IL21R: variants seen among roughly 807,000 people sequenced by gnomAD.
IL21R encodes the protein interleukin 21 receptor.
Under a neutral mutation model 41.3 loss-of-function variants are expected in IL21R, and 14 were observed. The ratio of observed to expected loss-of-function variants is 0.34; its 90% CI spans 0.22 to 0.53. IL21R has a LOEUF of 0.53. Ranked by LOEUF, IL21R falls within the 20% of genes least tolerant of loss-of-function variation. The pLI, the probability that IL21R is intolerant of heterozygous loss-of-function variation, is 0.94. For missense variants in IL21R, 588 were observed against 681.6 expected (o/e 0.86, Z 1.53); for synonymous variants, 286 against 287.6 (o/e 0.99, Z 0.05).
intron 1 of IL21R, among the ~76,000 whole-genome samples, chr16:27,428,758 G>A (rs1026629876): frequency 6.6e-6 from 1 of 152,232 alleles, no homozygotes; most frequent in Admixed American, 6.5e-5. Flanking sequence ...CAAATTAGGA[G>A]GTCAGGTTGT....
intron 3 of IL21R, among the ~76,000 whole-genome samples, chr16:27,434,995 G>A (rs953731767): frequency 6.6e-6 from 1 of 152,132 alleles, no homozygotes; most frequent in South Asian, 2.1e-4. Flanking sequence ...AGGTGCAGTG[G>A]CTCATGTTTC....
chr16:27,444,540 A>G lies in IL21R; in HGVS notation c.508-2A>G. The G allele has an allele frequency of 6.7e-7, 1 of 1,488,798 alleles. No individual in the cohort carries two copies. The highest frequency in any genetic ancestry group is 9.0e-7 in the Non-Finnish European group (1 of 1,115,700). The allele number at this position is 1,488,798 out of a possible 1,614,324, so 92.2% of individuals were successfully genotyped here. A position where few individuals can be genotyped will look rare whatever the true frequency, so the allele number is the denominator to read the frequency against. On this transcript the variant is annotated splice_acceptor_variant, in intron 5 of 8. Coordinates refer to ENST00000337929, the MANE Select transcript of IL21R (RefSeq NM_181078.3). LOFTEE classifies it high-confidence loss of function. Reference sequence around the variant, plus strand: ...TGGTGCATCCTTTCCTTGTACTGGCAGAGTCCGAGGAGAAAGCTGATCTCA... The same window carrying G: ...TGGTGCATCCTTTCCTTGTACTGGCGGAGTCCGAGGAGAAAGCTGATCTCA...
chr16:27,410,426 T>C (rs2086807618), intron 1 of IL21R, among the ~76,000 whole-genome samples: 1 of 152,226 alleles, frequency 6.6e-6, no homozygotes, highest in African/African-American at 2.4e-5. Flanking sequence ...ATTTTAAAAT[T>C]TCTTGACTGT....
chr16:27,404,510 T>A (rs1596561499), intron 1 of IL21R, among the ~76,000 whole-genome samples: 1 of 152,130 alleles, frequency 6.6e-6, no homozygotes, highest in Non-Finnish European at 1.5e-5. Flanking sequence ...CCCACCTCTT[T>A]GTAGCATCAG....
rs768921476 is a variant in IL21R, at chr16:27,430,119, A to T, written c.48A>T (p.Gly16=). Residue 16 remains glycine (G), a splice_region_variant and synonymous_variant, in exon 2 of 9, where the codon GGA becomes GGT. Transcript: ENST00000337929. ...AAPLLLLLLQ[G]GWGCPDLVCY... ...CCTTGCTCCTGCTGCTGCTCCAGGG[A>T]GGTAAGTGGCTGCCCCGTGGTCTGC... 5.6e-6 allele frequency: 9 copies of T among 1,603,478 alleles called. No homozygotes were observed. Among genetic ancestry groups the T allele is most frequent in the Admixed American group, 1.7e-5 (1 of 59,936 alleles).
intron 4 of IL21R, among the ~76,000 whole-genome samples, chr16:27,441,255 G>A (rs2087384023): frequency 6.6e-6 from 1 of 152,176 alleles, no homozygotes; most frequent in Admixed American, 6.5e-5. Flanking sequence ...TCATCCCTTT[G>A]AACTTGAAGC....
intron 1 of IL21R, among the ~76,000 whole-genome samples, chr16:27,409,937 C>G (rs972090211): frequency 2.8e-4 from 43 of 152,128 alleles, no homozygotes; most frequent in African/African-American, 1.0e-3. Context: ...GGACTAGCAT[C>G]CTTAAAGTAT....
intron 1 of IL21R, among the ~76,000 whole-genome samples, chr16:27,419,821 TA>T (rs2086970876): frequency 1.1e-4 from 1 of 8,890 alleles, no homozygotes; most frequent in Non-Finnish European, 2.3e-4. Context: ...CATAGTTTAT[TA>T]TTATTATTAT....
Position 27,449,016 on chromosome 16 carries a change from G to C in IL21R, c.1350G>C (p.Lys450Asn). Reference protein sequence around the residue: ...GPLGSLLDRLKPPLADGEDWA... With the variant: ...GPLGSLLDRLNPPLADGEDWA... ...TGGGAAGCCTCCTGGACAGACTAAA[G>C]CCACCCCTTGCAGATGGGGAGGACT... is the stretch of plus-strand genomic sequence containing the variant. The change falls in exon 9 of 9, where the codon AAG becomes AAC. Residue 450 changes from lysine to asparagine, a missense_variant. Transcript: ENST00000337929. 4.3e-6 allele frequency: 7 copies of C among 1,612,342 alleles called. No individual in the cohort carries two copies. The highest frequency in any genetic ancestry group is 5.9e-6 in the Non-Finnish European group (7 of 1,179,704).
In IL21R at chr16:27,403,284, C is replaced by G; in HGVS notation, c.-17+666C>G. ...AGGAGGGTGGGGAGGTCAGTGGAGG[C>G]TGAGCCTTGAAGGATGGGAAAGGAA... On this transcript the variant is annotated intron_variant, in intron 1 of 8. Transcript: ENST00000337929. 6.9e-6 allele frequency: 9 copies of G among 1,306,416 alleles called. 1 individual carries two copies. The highest frequency in any genetic ancestry group is 2.1e-4 in the Middle Eastern group (1 of 4,718). The allele number at this position is 1,306,416 out of a possible 1,614,324, so 80.9% of individuals were successfully genotyped here.
intron 4 of IL21R, among the ~76,000 whole-genome samples, chr16:27,438,087 G>A (rs1479759913): frequency 6.6e-6 from 1 of 152,074 alleles, no homozygotes; most frequent in Non-Finnish European, 1.5e-5. Context: ...TTGATAATAG[G>A]TTTGAGAGGT....
intron 4 of IL21R, 27 bp from the exon 5 acceptor site, chr16:27,442,935 T>A: frequency 6.4e-7 from 1 of 1,556,900 alleles, no homozygotes; most frequent in Non-Finnish European, 8.7e-7. Context: ...CTCACCCCAT[T>A]TTCTTTTCCT....
At chr16:27,436,051 G>A (rs1567367497) in intron 3 of IL21R, among the ~76,000 whole-genome samples, 1 of 152,186 alleles carries the variant, frequency 6.6e-6, no homozygotes, top group South Asian at 2.1e-4. Context: ...ACCACTCAGG[G>A]CTCACAGGAC....
chr16:27,444,806 C>A, intron 6 of IL21R, 87 bp downstream of exon 6: 1 of 1,233,022 alleles, frequency 8.1e-7, no homozygotes, highest in Non-Finnish European at 1.1e-6. Context: ...CTTTCTGGCA[C>A]AGCTGGGAGG....
intron 3 of IL21R, among the ~76,000 whole-genome samples, chr16:27,435,674 A>G (rs1330301347): frequency 6.6e-6 from 1 of 151,884 alleles, no homozygotes; most frequent in Non-Finnish European, 1.5e-5. Flanking sequence ...GGCTGGATTC[A>G]AACTCCTGGG....
rs756335632 is a variant in IL21R, at chr16:27,448,987, C to T, written c.1321C>T (p.Pro441Ser). The change falls in exon 9 of 9, where the codon CCC becomes TCC. Residue 441 changes from proline to serine, a missense_variant. By Grantham distance (74) the Pro-to-Ser change is moderately conservative (BLOSUM62 -1). Transcript: ENST00000337929. Reference sequence around the variant, plus strand: ...AGCTGGCAGCCCTGGGCTAGGAGGGCCCCTGGGAAGCCTCCTGGACAGACT... The same window carrying T: ...AGCTGGCAGCCCTGGGCTAGGAGGGTCCCTGGGAAGCCTCCTGGACAGACT... Reference protein sequence around the residue: ...VSAGSPGLGGPLGSLLDRLKP... With the variant: ...VSAGSPGLGGSLGSLLDRLKP... The T allele has an allele frequency of 2.5e-6, 4 of 1,612,678 alleles. No homozygotes were observed. In the Admixed American group the frequency reaches 6.7e-5, roughly 27 times the overall value.
chr16:27,424,182 C>T (rs1190142701), intron 1 of IL21R, among the ~76,000 whole-genome samples: 1 of 152,130 alleles, frequency 6.6e-6, no homozygotes, highest in South Asian at 2.1e-4. Context: ...TCAAGCAATT[C>T]TCCTGCCTCA....
intron 2 of IL21R, among the ~76,000 whole-genome samples, chr16:27,434,096 T>C (rs1431522613): frequency 6.6e-6 from 1 of 152,182 alleles, no homozygotes; most frequent in Non-Finnish European, 1.5e-5. Flanking sequence ...GCTAGTTTTA[T>C]ATTATTTGCC....
intron 1 of IL21R, among the ~76,000 whole-genome samples, chr16:27,419,607 T>C (rs1031379052): frequency 6.6e-6 from 1 of 152,168 alleles, no homozygotes; most frequent in Non-Finnish European, 1.5e-5. Flanking sequence ...TTTGTATTTT[T>C]AGTAGAGATG....
Sources: allele counts gnomAD v4.1 joint callset (sites outside exome capture counted in the v4.1 genomes callset), GRCh38; gene constraint gnomAD v4.1.1; transcripts MANE v1.5; gene names NCBI Gene and HGNC (gene_info 2026-07-23, HGNC 2026-07-21).